Variants in HSPA12A observed in about 807,000 individuals in gnomAD.
HSPA12A encodes heat shock protein family A (Hsp70) member 12A, also known as heat shock 70 kDa protein 12A.
Under a neutral mutation model 69.2 loss-of-function variants are expected in HSPA12A, and 28 were observed. The observed-to-expected ratio is 0.40, with a 90% confidence interval of 0.30 to 0.55. HSPA12A has a LOEUF of 0.55. Among genes scored for constraint, HSPA12A ranks in the 20% least tolerant of loss-of-function variants. The probability of loss-of-function intolerance (pLI) is 0.38; values close to 1 mark genes in which losing one functional copy is unlikely to be tolerated. For synonymous variants in HSPA12A, 345 were observed against 370.5 expected (o/e 0.93, Z 0.79); for missense variants, 686 against 900.7 (o/e 0.76, Z 3.05).
chr10:116,694,263 C>T (rs577855668), intron 5 of HSPA12A, among the ~76,000 whole-genome samples: 16 of 152,250 alleles, frequency 1.1e-4, no homozygotes, highest in East Asian at 5.8e-4. Flanking sequence ...GACTCTTGGA[C>T]GTCCCACTTG....
chr10:116,733,279 A>G (rs989233273), intron 1 of HSPA12A, among the ~76,000 whole-genome samples: 1 of 152,212 alleles, frequency 6.6e-6, no homozygotes, highest in African/African-American at 2.4e-5. Flanking sequence ...AGAGGAGTTT[A>G]GCCTTCAGCC....
At position 116,723,556 on chromosome 10, in the gene HSPA12A, TCA is replaced by T. The variant is rs1361493745; in HGVS notation, c.41-16273_41-16272del. The stretch of plus-strand genomic sequence containing the variant: ...CGTACCAGGCTAACAACTGTCTCTC[TCA>T]CAGGGCTGCTGTGGAGACCACAAGG... On this transcript the variant is annotated intron_variant, in intron 1 of 11. Transcript: ENST00000369209. The surrounding 1 kb of genome is among the most constrained non-coding windows in gnomAD (Gnocchi z 4.1). 5.3e-5 allele frequency among the ~76,000 whole-genome samples: 8 copies of T among 152,148 alleles called. No homozygotes were observed. The highest frequency in any genetic ancestry group is 1.2e-4 in the Non-Finnish European group (8 of 68,028).
intron 7 of HSPA12A, among the ~76,000 whole-genome samples, chr10:116,682,829 T>G (rs1849454826): frequency 6.6e-6 from 1 of 151,030 alleles, no homozygotes; most frequent in African/African-American, 2.4e-5. Flanking sequence ...GCCTCCCAAG[T>G]AGCTGGGACT....
intron 2 of HSPA12A, among the ~76,000 whole-genome samples, chr10:116,801,723 T>A (rs75341625): frequency 0.074 from 11,271 of 151,790 alleles, 525 homozygotes; most frequent in East Asian, 0.18. Context: ...TCATAAAATA[T>A]CATAGAACTA....
chr10:116,721,141 GGTTAA>G (rs1850764013), intron 1 of HSPA12A, among the ~76,000 whole-genome samples: 1 of 152,144 alleles, frequency 6.6e-6, no homozygotes, highest in Non-Finnish European at 1.5e-5. Context: ...TAGTAAACTG[GGTTAA>G]GTTATTGATT....
At chr10:116,795,432 TCTTTGGGAGGCCAAGGTGGGTGG>T (rs1844797614) in intron 2 of HSPA12A, among the ~76,000 whole-genome samples, 5 of 150,656 alleles carry the variant, frequency 3.3e-5, no homozygotes, top group Admixed American at 6.6e-5. Flanking sequence ...TAATCCCAGC[TCTTTGGGAGGCCAAGGTGGGTGG>T]ATCACTTGAG....
rs1554879122 is a variant in HSPA12A, at chr10:116,683,939, G to C, written c.687C>G (p.Asn229Lys). Residue 229 changes from asparagine to lysine, a missense_variant, in exon 7 of 12, where the codon AAC (asparagine) becomes AAG (lysine). Transcript: ENST00000369209. ...CCAAGGCAATGATGAGCTGCTCCGA[G>C]TTCTCGGGGGAGGCCAGGCCTGCCT... is the stretch of plus-strand genomic sequence containing the variant. ...AYQAGLASPE[N>K]SEQLIIALEP... 6.3e-7 allele frequency: 1 copy of C among 1,580,368 alleles called. No homozygotes were observed. The highest frequency in any genetic ancestry group is 2.3e-5 in the East Asian group (1 of 44,118).
Position 116,824,670 on chromosome 10 carries a change from T to C in HSPA12A, c.91+10265A>G, listed in dbSNP as rs546960230. 1.9e-4 allele frequency among the ~76,000 whole-genome samples: 29 copies of C among 152,328 alleles called. No individual in the cohort carries two copies. The East Asian group carries it at 5.4e-3, about 29-fold the overall frequency. On this transcript the variant is annotated intron_variant, in intron 2 of 12. Transcript: ENST00000635765. ...TTTATTTTGAGATGGAGTCTTGCTC[T>C]GTCACCCAGGCTGGAGTGCAGTCGC...
intron 2 of HSPA12A, among the ~76,000 whole-genome samples, chr10:116,796,163 A>AAAAAAAAAAAAAAAG (rs1414051045): frequency 2.9e-5 from 4 of 138,884 alleles, no homozygotes; most frequent in African/African-American, 6.3e-5. Flanking sequence ...AAAAAAAAAA[A>AAAAAAAAAAAAAAAG]AAAGAAAGAA....
intron 2 of HSPA12A, among the ~76,000 whole-genome samples, chr10:116,756,006 A>G (rs1210539302): frequency 6.6e-6 from 1 of 151,822 alleles, no homozygotes. Flanking sequence ...AAGAAAACAA[A>G]ATTTTACAAG....
chr10:116,822,550 T>A (rs1040827112), intron 2 of HSPA12A, among the ~76,000 whole-genome samples: 43 of 152,128 alleles, frequency 2.8e-4, no homozygotes, highest in African/African-American at 1.0e-3. Flanking sequence ...AGTAGGGCAT[T>A]TGATAAGTTC....
chr10:116,808,324 C>A (rs1845108396), intron 2 of HSPA12A, among the ~76,000 whole-genome samples: 1 of 151,306 alleles, frequency 6.6e-6, no homozygotes, highest in Admixed American at 6.6e-5. Context: ...GGCTGGGGGG[C>A]AGCCAGGAAA....
Position 116,679,849 on chromosome 10 carries a change from C to T in HSPA12A, c.1028-88G>A, listed in dbSNP as rs956352987. Reference sequence around the variant, plus strand: ...CTGAGAAACAGGCCCACCTGTTCATCTCTGAGCCACTTAGCAATGGGACGG... The same window carrying T: ...CTGAGAAACAGGCCCACCTGTTCATTTCTGAGCCACTTAGCAATGGGACGG... On this transcript the variant is annotated intron_variant, in intron 9 of 11. Transcript: ENST00000369209. 23 of 1,394,336 alleles carry T rather than the reference C, an allele frequency of 1.6e-5. No homozygotes were observed. In the South Asian group the frequency reaches 2.8e-4, roughly 17 times the overall value. 86.4% of individuals were successfully genotyped at this position (1,394,336 alleles called of 1,614,324 possible). A position where few individuals can be genotyped will look rare whatever the true frequency, so the allele number is the denominator to read the frequency against.
intron 2 of HSPA12A, among the ~76,000 whole-genome samples, chr10:116,797,385 G>A (rs1429526453): frequency 2.0e-5 from 3 of 152,192 alleles, no homozygotes; most frequent in African/African-American, 7.2e-5. Flanking sequence ...TGGACCAGCA[G>A]TCAGATGTTT....
rs963885343 is a variant in HSPA12A, at chr10:116,805,354, A to G, written c.91+29581T>C. Reference sequence around the variant, plus strand: ...CTGCAGGGAATTTTCAGGTAGTTCTATTCCATTTTAAAGCTGGAGTTGAAG... The same window carrying G: ...CTGCAGGGAATTTTCAGGTAGTTCTGTTCCATTTTAAAGCTGGAGTTGAAG... On this transcript the variant is annotated intron_variant, in intron 2 of 12. Coordinates refer to the HSPA12A transcript ENST00000635765. 2.0e-5 allele frequency among the ~76,000 whole-genome samples: 3 copies of G among 152,192 alleles called. No individual in the cohort carries two copies. The South Asian group carries it at 6.2e-4, about 31-fold the overall frequency.
chr10:116,779,484 G>A (rs912367308), intron 2 of HSPA12A, among the ~76,000 whole-genome samples: 3 of 152,154 alleles, frequency 2.0e-5, no homozygotes, highest in Non-Finnish European at 2.9e-5. Flanking sequence ...GTGTGGCCAC[G>A]TGACTCTGCC....
intron 2 of HSPA12A, among the ~76,000 whole-genome samples, chr10:116,768,249 C>T (rs1844123632): frequency 6.6e-6 from 1 of 152,174 alleles, no homozygotes; most frequent in African/African-American, 2.4e-5. Context: ...AAGCCAGATG[C>T]AAAAGACCAC....
intron 1 of HSPA12A, among the ~76,000 whole-genome samples, chr10:116,847,832 G>C (rs1388361860): frequency 6.6e-6 from 1 of 152,168 alleles, no homozygotes; most frequent in Non-Finnish European, 1.5e-5. Flanking sequence ...CCCAGCCCAG[G>C]ATACTCGCAA....
chr10:116,761,024 A>G (rs199717801), intron 2 of HSPA12A, among the ~76,000 whole-genome samples: 1 of 148,268 alleles, frequency 6.7e-6, no homozygotes, highest in African/African-American at 2.5e-5. Flanking sequence ...TTAAAAAAAA[A>G]GAAAAAAGTA....
Sources: allele counts gnomAD v4.1 joint callset (sites outside exome capture counted in the v4.1 genomes callset), GRCh38; gene constraint gnomAD v4.1.1; non-coding constraint Gnocchi (gnomAD v3.1); transcripts MANE v1.5; gene names NCBI Gene and HGNC (gene_info 2026-07-23, HGNC 2026-07-21).